ATXN1: variants seen among roughly 807,000 people sequenced by gnomAD.
The protein encoded by ATXN1 is ataxin 1, also known as ataxin-1.
In ATXN1, 8 loss-of-function variants were observed where a neutral mutation model predicts 56.4. The ratio of observed to expected loss-of-function variants is 0.14; its 90% CI spans 0.08 to 0.26. ATXN1 has a LOEUF of 0.26. Ranked by LOEUF, ATXN1 falls within the 10% of genes least tolerant of loss-of-function variation. The pLI is 1.00. For missense variants in ATXN1, 987 were observed against 1,106.5 expected, an observed-to-expected ratio of 0.89 and a Z score of 1.53; for synonymous variants, 514 against 494.6, an observed-to-expected ratio of 1.04 and a Z score of -0.52.
intron 3 of ATXN1, among the ~76,000 whole-genome samples, chr6:16,602,020 T>C (rs781470200): frequency 5.3e-5 from 8 of 152,212 alleles, no homozygotes; most frequent in Non-Finnish European, 1.0e-4. Flanking sequence ...TCAGAATCCA[T>C]GCCAAGGGAC....
At chr6:16,567,770 C>G (rs1762256178) in intron 4 of ATXN1, among the ~76,000 whole-genome samples, 2 of 151,832 alleles carry the variant, frequency 1.3e-5, no homozygotes, top group African/African-American at 2.4e-5. Context: ...GCACACATTA[C>G]CCATGCACAC....
chr6:16,429,051 G>C (rs192761282), intron 6 of ATXN1, among the ~76,000 whole-genome samples: 1 of 151,750 alleles, frequency 6.6e-6, no homozygotes, highest in Non-Finnish European at 1.5e-5. Flanking sequence ...GGCGGCGAGG[G>C]TAGGGGGGTG....
chr6:16,677,927 A>G (rs1357299794), intron 2 of ATXN1, among the ~76,000 whole-genome samples: 1 of 152,228 alleles, frequency 6.6e-6, no homozygotes, highest in African/African-American at 2.4e-5. Flanking sequence ...TCATCTGAAA[A>G]GTGTTTGGTG....
chr6:16,673,149 G>C (rs182887286), intron 2 of ATXN1, among the ~76,000 whole-genome samples: 85 of 150,890 alleles, frequency 5.6e-4, no homozygotes, highest in African/African-American at 2.1e-3. Context: ...ACCTGTATTG[G>C]ATTTCTGACC....
chr6:16,412,508 ATTCAAATATCCATACAATT>A (rs1758819451), intron 6 of ATXN1, among the ~76,000 whole-genome samples: 1 of 152,184 alleles, frequency 6.6e-6, no homozygotes, highest in Admixed American at 6.5e-5. Context: ...ACTAAACTAA[ATTCAAATATCCATACAATT>A]CTATCCACGG....
chr6:16,596,421 C>T (rs1762816504), intron 3 of ATXN1, among the ~76,000 whole-genome samples: 1 of 152,110 alleles, frequency 6.6e-6, no homozygotes, highest in Non-Finnish European at 1.5e-5. Flanking sequence ...TCAGGTGAAA[C>T]CCCAGCAAAA....
intron 6 of ATXN1, among the ~76,000 whole-genome samples, chr6:16,388,859 T>C (rs1056690460): frequency 2.0e-5 from 3 of 152,234 alleles, no homozygotes; most frequent in Non-Finnish European, 4.4e-5. Flanking sequence ...AATACTGCTT[T>C]AGATTCAAGT....
rs147952508 is a variant in ATXN1, at chr6:16,327,403, C to T, written c.908G>A (p.Arg303Gln). The change falls in exon 7 of 8, where the codon CGG (arginine) becomes CAG (glutamine). Residue 303 changes from arginine to glutamine, a missense_variant. This residue lies in a region of ATXN1 where 723 missense variants were observed against 791.7 expected (regional missense o/e 0.91). Coordinates refer to ENST00000436367, the MANE Select transcript of ATXN1 (RefSeq NM_001128164.2). ...GCTCTCAGCTTTCTTGGTGGCCTCC[C>T]GAGGGACAAAGTGGCTGCCGGAGTC... Reference protein sequence around the residue: ...YADSGSHFVPREATKKAESSR... With the variant: ...YADSGSHFVPQEATKKAESSR... 14 of 1,613,578 alleles carry T rather than the reference C, an allele frequency of 8.7e-6. No individual in the cohort carries two copies. The highest frequency in any genetic ancestry group is 5.5e-5 in the South Asian group (5 of 91,084).
chr6:16,379,980 C>T (rs1228890053), intron 6 of ATXN1, among the ~76,000 whole-genome samples: 1 of 152,182 alleles, frequency 6.6e-6, no homozygotes, highest in East Asian at 1.9e-4. Flanking sequence ...TACACATCCA[C>T]CCAGCAGGCT....
chr6:16,663,138 A>G (rs997989047), intron 2 of ATXN1, among the ~76,000 whole-genome samples: 2 of 151,816 alleles, frequency 1.3e-5, no homozygotes, highest in Non-Finnish European at 2.9e-5. Flanking sequence ...ATGCCTGGCT[A>G]ATTAATCTTT....
chr6:16,451,494 G>A (rs1177532669), intron 6 of ATXN1, among the ~76,000 whole-genome samples: 1 of 152,168 alleles, frequency 6.6e-6, no homozygotes, highest in Non-Finnish European at 1.5e-5. Context: ...AGTGCCTCAT[G>A]CCTGTAATCC....
intron 3 of ATXN1, among the ~76,000 whole-genome samples, chr6:16,621,758 G>C (rs1332795388): frequency 6.6e-6 from 1 of 152,078 alleles, no homozygotes; most frequent in Non-Finnish European, 1.5e-5. Context: ...TTGATAGCCC[G>C]AAAAGAAGAA....
At chr6:16,471,760 TA>T (rs1291937408) in intron 6 of ATXN1, among the ~76,000 whole-genome samples, 3 of 152,030 alleles carry the variant, frequency 2.0e-5, no homozygotes, top group African/African-American at 7.2e-5. Context: ...GGAGTTTACA[TA>T]AGAGAAGGTT....
intron 2 of ATXN1, among the ~76,000 whole-genome samples, chr6:16,730,751 C>A (rs1759957948): frequency 6.6e-6 from 1 of 152,046 alleles, no homozygotes; most frequent in African/African-American, 2.4e-5. Context: ...TGCCTTTCCA[C>A]TGGCTAAACA....
intron 4 of ATXN1, among the ~76,000 whole-genome samples, chr6:16,572,556 G>C (rs1173006996): frequency 1.3e-5 from 2 of 152,040 alleles, no homozygotes; most frequent in African/African-American, 4.8e-5. Flanking sequence ...AAAAAAATAT[G>C]GTTATTCTTG....
intron 5 of ATXN1, among the ~76,000 whole-genome samples, chr6:16,502,287 T>C (rs1760899715): frequency 6.6e-6 from 1 of 152,216 alleles, no homozygotes; most frequent in South Asian, 2.1e-4. Flanking sequence ...TTAGAATCTA[T>C]CTAAATTTGC....
intron 3 of ATXN1, among the ~76,000 whole-genome samples, chr6:16,595,868 A>G (rs1762804480): frequency 6.6e-6 from 1 of 152,218 alleles, no homozygotes; most frequent in African/African-American, 2.4e-5. Context: ...TTAATTAAGT[A>G]GGGCCTTATT....
chr6:16,612,064 T>C (rs1416618886), intron 3 of ATXN1, among the ~76,000 whole-genome samples: 1 of 151,896 alleles, frequency 6.6e-6, no homozygotes, highest in African/African-American at 2.4e-5. Flanking sequence ...TTTCACCATG[T>C]TAGTCAGGAC....
rs1231132186 is a variant in ATXN1 at position 16,727,582 on chromosome 6, T to C, written c.-615+25651A>G. Reference sequence around the variant, plus strand: ...TAGACTAAGAGAGCTTATATAATAATGTAATACAAATTATGTATATATAAT... The same window carrying C: ...TAGACTAAGAGAGCTTATATAATAACGTAATACAAATTATGTATATATAAT... On this transcript the variant is annotated intron_variant, in intron 2 of 7. Transcript: ENST00000436367. Among the ~76,000 whole-genome samples, 7 of 152,284 alleles carry C rather than the reference T, an allele frequency of 4.6e-5. No individual in the cohort carries two copies. In the East Asian group the frequency reaches 9.6e-4, roughly 21 times the overall value.
Sources: gnomAD v4.1 joint callset for allele counts (sites outside exome capture counted in the v4.1 genomes callset) on GRCh38, gnomAD v4.1.1 for gene constraint, gnomAD v4.1.1 regional missense constraint, MANE v1.5 for transcripts, NCBI Gene and HGNC (gene_info 2026-07-23, HGNC 2026-07-21) for gene names.